The following TFCP2 variants were observed in gnomAD, a reference collection of about 807,000 sequenced individuals.
TFCP2 encodes the protein transcription factor CP2, also known as alpha-globin transcription factor CP2.
In TFCP2, 33 loss-of-function variants were observed where a neutral mutation model predicts 73.4. The ratio of observed to expected loss-of-function variants is 0.45; its 90% CI spans 0.34 to 0.60. The LOEUF is 0.60. TFCP2 is among the 20% of genes least tolerant of loss of function. The probability of loss-of-function intolerance (pLI) is 0.01; values close to 1 mark genes in which losing one functional copy is unlikely to be tolerated. For synonymous variants in TFCP2, 193 were observed against 211.6 expected, an observed-to-expected ratio of 0.91 and a Z score of 0.76; for missense variants, 352 against 604.0, an observed-to-expected ratio of 0.58 and a Z score of 4.37.
At chr12:51,133,001 GT>G (rs1244028495) in intron 1 of TFCP2, among the ~76,000 whole-genome samples, 1 of 152,122 alleles carries the variant, frequency 6.6e-6, no homozygotes. Flanking sequence ...GAGCCACTAA[GT>G]TTTTGTGCGT....
chr12:51,110,838 A>C (rs1179543506), intron 5 of TFCP2, 39 bp downstream of exon 5: 2 of 1,335,540 alleles, frequency 1.5e-6, no homozygotes, highest in Non-Finnish European at 2.2e-6. Flanking sequence ...AGTAAGAGAG[A>C]TACTCTTCAA....
At chr12:51,135,656 A>T (rs1314460886) in intron 1 of TFCP2, among the ~76,000 whole-genome samples, 4 of 152,118 alleles carry the variant, frequency 2.6e-5, no homozygotes, top group African/African-American at 4.8e-5. Flanking sequence ...AACTAAATCC[A>T]AATGAGGAGG....
At chr12:51,095,369 G>C in intron 14 of TFCP2, 91 bp from the exon 15 acceptor site, 2 of 1,359,476 alleles carry the variant, frequency 1.5e-6, no homozygotes, top group East Asian at 2.3e-5. Context: ...TCGTGAGAAG[G>C]GGAGAAAAGG....
At chr12:51,117,263 A>G (rs1293366425) in intron 3 of TFCP2, among the ~76,000 whole-genome samples, 2 of 152,184 alleles carry the variant, frequency 1.3e-5, no homozygotes, top group Non-Finnish European at 2.9e-5. Context: ...AATTATCAAA[A>G]TCCTAACTGT....
At chr12:51,122,441 T>C (rs908068762) in intron 1 of TFCP2, among the ~76,000 whole-genome samples, 3 of 151,978 alleles carry the variant, frequency 2.0e-5, no homozygotes, top group Middle Eastern at 6.8e-3. Context: ...ATATTTTTAG[T>C]AGAGACAGGG....
At chr12:51,131,056 G>A (rs758882171) in intron 1 of TFCP2, among the ~76,000 whole-genome samples, 6 of 151,252 alleles carry the variant, frequency 4.0e-5, no homozygotes, top group Non-Finnish European at 5.9e-5. Context: ...CAGTTCGGGC[G>A]CGGTGGCTCA....
chr12:51,114,796 G>T (rs1024820065), intron 4 of TFCP2, among the ~76,000 whole-genome samples: 2 of 151,884 alleles, frequency 1.3e-5, no homozygotes, highest in Non-Finnish European at 2.9e-5. Context: ...AGGTGTGGTG[G>T]CTCACGCTTG....
At chr12:51,100,168 A>C (rs919395792) in intron 11 of TFCP2, among the ~76,000 whole-genome samples, 1 of 152,172 alleles carries the variant, frequency 6.6e-6, no homozygotes, top group Non-Finnish European at 1.5e-5. Context: ...TAGTCATTTG[A>C]GTTTGTGGCC....
intron 1 of TFCP2, among the ~76,000 whole-genome samples, chr12:51,148,091 C>T (rs1941336843): frequency 6.6e-6 from 1 of 152,050 alleles, no homozygotes; most frequent in South Asian, 2.1e-4. Flanking sequence ...TGCAATACCA[C>T]CTTACTTCTG....
chr12:51,169,741 A>G (rs1419106279), intron 1 of TFCP2, among the ~76,000 whole-genome samples: 1 of 152,160 alleles, frequency 6.6e-6, no homozygotes, highest in Non-Finnish European at 1.5e-5. Context: ...AGAAAAGAAG[A>G]AAGTACTTAA....
At chr12:51,161,777 A>G (rs1941655481) in intron 1 of TFCP2, among the ~76,000 whole-genome samples, 1 of 148,884 alleles carries the variant, frequency 6.7e-6, no homozygotes. Context: ...AAAAAAAAAA[A>G]AAAAAAGAAA....
intron 14 of TFCP2, among the ~76,000 whole-genome samples, chr12:51,095,582 AG>A (rs1436147039): frequency 1.3e-5 from 2 of 152,196 alleles, no homozygotes; most frequent in African/African-American, 4.8e-5. Flanking sequence ...TGGGAGGCCA[AG>A]GTGGGTGGAT....
chr12:51,095,075 C>A lies in TFCP2; in HGVS notation c.*166G>T. 1 of 746,312 alleles carries A rather than the reference C, an allele frequency of 1.3e-6. No homozygotes were observed. The highest frequency in any genetic ancestry group is 1.6e-5 in the South Asian group (1 of 63,724). The allele number at this position is 746,312 out of a possible 1,614,324, so 46.2% of individuals were successfully genotyped here. Reference sequence around the variant, plus strand: ...CTGTGTGTACCACAAGAGCTTGGGCCAACACAGAGGGCCAGGATTCTGCCT... The same window carrying A: ...CTGTGTGTACCACAAGAGCTTGGGCAAACACAGAGGGCCAGGATTCTGCCT... On this transcript the variant is annotated 3_prime_UTR_variant, in exon 15 of 15. Coordinates refer to ENST00000257915, the MANE Select transcript of TFCP2 (RefSeq NM_005653.5).
chr12:51,168,550 TCA>T (rs1257400440), intron 1 of TFCP2, among the ~76,000 whole-genome samples: 2 of 151,804 alleles, frequency 1.3e-5, no homozygotes, highest in Non-Finnish European at 2.9e-5. Flanking sequence ...AGAGGCACAA[TCA>T]CAGCTCACTG....
At chr12:51,145,562 T>A (rs1592826292) in intron 1 of TFCP2, among the ~76,000 whole-genome samples, 1 of 47,106 alleles carries the variant, frequency 2.1e-5, no homozygotes, top group African/African-American at 9.7e-5. Flanking sequence ...GGAGTAAGAC[T>A]ATCTCAAAAA....
chr12:51,171,055 T>C (rs1383957482), intron 1 of TFCP2, among the ~76,000 whole-genome samples: 7 of 152,204 alleles, frequency 4.6e-5, no homozygotes, highest in Non-Finnish European at 1.0e-4. Flanking sequence ...AAAGGAACTT[T>C]ATATAACTCT....
intron 1 of TFCP2, among the ~76,000 whole-genome samples, chr12:51,154,719 T>C (rs923884525): frequency 3.3e-5 from 5 of 152,072 alleles, no homozygotes; most frequent in Non-Finnish European, 5.9e-5. Context: ...ATGTGGTCTC[T>C]CTCTTTCTCT....
At chr12:51,141,430 A>G (rs994103881) in intron 1 of TFCP2, among the ~76,000 whole-genome samples, 2 of 152,066 alleles carry the variant, frequency 1.3e-5, no homozygotes, top group Non-Finnish European at 2.9e-5. Flanking sequence ...AAATTTCCTT[A>G]TCTATCTGTT....
chr12:51,119,672 C>T (rs1014277924), intron 1 of TFCP2, among the ~76,000 whole-genome samples: 1 of 151,624 alleles, frequency 6.6e-6, no homozygotes, highest in Non-Finnish European at 1.5e-5. Flanking sequence ...ACTGCTTGAA[C>T]CCGGGAGGTG....
Sources: allele counts gnomAD v4.1 joint callset (sites outside exome capture counted in the v4.1 genomes callset), GRCh38; gene constraint gnomAD v4.1.1; transcripts MANE v1.5; gene names NCBI Gene and HGNC (gene_info 2026-07-23, HGNC 2026-07-21).